Variants in GAB2 observed in about 807,000 individuals in gnomAD.
GAB2 encodes the protein GRB2 associated binding protein 2, also known as GRB2-associated-binding protein 2.
A neutral mutation model predicts 65.5 loss-of-function variants in GAB2; 26 were observed. The observed-to-expected ratio is 0.40, with a 90% CI of 0.29 to 0.55. The LOEUF (loss-of-function observed/expected upper bound fraction) is 0.55. GAB2 is among the 20% of genes least tolerant of loss of function. The pLI is 0.53. For missense variants in GAB2, 884 were observed against 875.8 expected, an observed-to-expected ratio of 1.01 and a Z score of -0.12; for synonymous variants, 321 against 329.6, an observed-to-expected ratio of 0.97 and a Z score of 0.28.
intron 2 of GAB2, among the ~76,000 whole-genome samples, chr11:78,263,064 T>C (rs1038626135): frequency 4.6e-5 from 7 of 152,246 alleles, no homozygotes; most frequent in Non-Finnish European, 1.5e-5. Context: ...TGCTGACCCT[T>C]AGACTAAAAG....
intron 2 of GAB2, among the ~76,000 whole-genome samples, chr11:78,259,530 G>A (rs573771026): frequency 6.6e-6 from 1 of 152,182 alleles, no homozygotes; most frequent in Non-Finnish European, 1.5e-5. Flanking sequence ...AAAGCTCCAG[G>A]TCACTTTTCA....
intron 1 of GAB2, among the ~76,000 whole-genome samples, chr11:78,329,308 T>C (rs1855876872): frequency 6.6e-6 from 1 of 152,208 alleles, no homozygotes; most frequent in Admixed American, 6.5e-5. Context: ...TTTATATTAA[T>C]TAAAAATCCC....
chr11:78,291,729 C>T (rs889446817), intron 1 of GAB2, among the ~76,000 whole-genome samples: 5 of 140,178 alleles, frequency 3.6e-5, no homozygotes, highest in African/African-American at 1.4e-4. Flanking sequence ...CGCCATCATA[C>T]CCAGTTAATT....
At chr11:78,291,268 C>T (rs138816808) in intron 1 of GAB2, among the ~76,000 whole-genome samples, 410 of 129,372 alleles carry the variant, frequency 3.2e-3, no homozygotes, top group African/African-American at 0.011. Flanking sequence ...CTGGCTAATA[C>T]GGTGAAACCG....
At chr11:78,380,262 C>T (rs1201609288) in intron 1 of GAB2, among the ~76,000 whole-genome samples, 1 of 151,088 alleles carries the variant, frequency 6.6e-6, no homozygotes, top group African/African-American at 2.4e-5. Flanking sequence ...GGCTGAAATG[C>T]AGTGGTGTGA....
chr11:78,346,392 C>T (rs1856179074), intron 1 of GAB2, among the ~76,000 whole-genome samples: 1 of 152,146 alleles, frequency 6.6e-6, no homozygotes, highest in South Asian at 2.1e-4. Flanking sequence ...TAAGCACACA[C>T]ATGTGCCAGA....
chr11:78,307,633 A>AGAGAGAGAGAGAGG (rs1270261078), intron 1 of GAB2, among the ~76,000 whole-genome samples: 1 of 151,046 alleles, frequency 6.6e-6, no homozygotes, highest in African/African-American at 2.4e-5. Context: ...AGAGAGAGAG[A>AGAGAGAGAGAGAGG]GATGTTGAGT....
intron 2 of GAB2, among the ~76,000 whole-genome samples, chr11:78,256,874 AACTG>A (rs1198243423): frequency 1.3e-5 from 2 of 152,184 alleles, no homozygotes; most frequent in Non-Finnish European, 2.9e-5. Context: ...CTTGCTGTGT[AACTG>A]ACCTTCCTAA....
At chr11:78,343,091 T>C (rs1005226295) in intron 1 of GAB2, among the ~76,000 whole-genome samples, 2 of 152,106 alleles carry the variant, frequency 1.3e-5, no homozygotes, top group Admixed American at 1.3e-4. Context: ...ACTAAGAATA[T>C]AAATTAGTTA....
At chr11:78,291,981 G>T (rs1866693131) in intron 1 of GAB2, among the ~76,000 whole-genome samples, 1 of 149,724 alleles carries the variant, frequency 6.7e-6, no homozygotes, top group South Asian at 2.1e-4. Context: ...CCACCTGGGA[G>T]CTTCACTAAG....
chr11:78,355,493 T>C (rs991304488), intron 1 of GAB2, among the ~76,000 whole-genome samples: 24 of 152,028 alleles, frequency 1.6e-4, no homozygotes, highest in African/African-American at 1.2e-4. Flanking sequence ...GTCATCTTTA[T>C]CAACATCCAC....
intron 1 of GAB2, among the ~76,000 whole-genome samples, chr11:78,291,294 CAAAAAAAAA>C (rs397848614): frequency 9.6e-6 from 1 of 103,894 alleles, no homozygotes; most frequent in East Asian, 2.6e-4. Flanking sequence ...ACTAAAACGA[CAAAAAAAAA>C]AAAAAAAAAA....
intron 1 of GAB2, among the ~76,000 whole-genome samples, chr11:78,392,907 T>C (rs1245790587): frequency 6.6e-6 from 1 of 152,202 alleles, no homozygotes; most frequent in Non-Finnish European, 1.5e-5. Context: ...TCTACTTTCT[T>C]GCAACACTTT....
Position 78,219,218 on chromosome 11 carries a change from G to A in GAB2, c.*54C>T, listed in dbSNP as rs1052190296. ...GAACGGGAGAGGGGAGAGGGGAGAT[G>A]GGAAGGGCCAGCTCTGGAGATGCTG... On this transcript the variant is annotated 3_prime_UTR_variant, in exon 10 of 10. Transcript: ENST00000361507. The A allele has an allele frequency of 4.5e-6, 7 of 1,560,288 alleles. No individual in the cohort carries two copies. The Admixed American group carries it at 1.0e-4, about 23-fold the overall frequency.
intron 1 of GAB2, among the ~76,000 whole-genome samples, chr11:78,345,092 C>A (rs1361174966): frequency 6.6e-6 from 1 of 152,040 alleles, no homozygotes; most frequent in Admixed American, 6.6e-5. Context: ...CCAGCCCGCG[C>A]AACATGGCAA....
chr11:78,365,791 C>G (rs1020256373), intron 1 of GAB2, among the ~76,000 whole-genome samples: 1 of 152,182 alleles, frequency 6.6e-6, no homozygotes, highest in African/African-American at 2.4e-5. Flanking sequence ...CCAAAAATAA[C>G]TTAAGAAACA....
At chr11:78,364,639 A>T (rs914198079) in intron 1 of GAB2, among the ~76,000 whole-genome samples, 2 of 152,194 alleles carry the variant, frequency 1.3e-5, no homozygotes, top group African/African-American at 4.8e-5. Flanking sequence ...CTTAATAGCC[A>T]TCCCCCCAAA....
Position 78,217,899 on chromosome 11 carries a change from T to C in GAB2, c.*1373A>G, listed in dbSNP as rs1864229176. ...CACAAGCTGTCAGCCATGCCTGATG[T>C]GGTCCTCTAGGCATCATTCTGCCCT... On this transcript the variant is annotated 3_prime_UTR_variant, in exon 10 of 10. Transcript: ENST00000361507. 6.6e-6 allele frequency: 1 copy of C among 152,450 alleles called. No homozygotes were observed. Among genetic ancestry groups the C allele is most frequent in the African/African-American group, 2.4e-5 (1 of 41,406 alleles). The allele number at this position is 152,450 out of a possible 1,614,324, so 9.4% of individuals were successfully genotyped here. A position where few individuals can be genotyped will look rare whatever the true frequency, so the allele number is the denominator to read the frequency against.
chr11:78,366,585 CAAAAAA>C (rs33997665), intron 1 of GAB2, among the ~76,000 whole-genome samples: 4 of 32,950 alleles, frequency 1.2e-4, no homozygotes, highest in African/African-American at 1.4e-4. Context: ...GACTCCATCT[CAAAAAA>C]AAAAAAAAAA....
Sources: allele counts gnomAD v4.1 joint callset (sites outside exome capture counted in the v4.1 genomes callset), GRCh38; gene constraint gnomAD v4.1.1; transcripts MANE v1.5; gene names NCBI Gene and HGNC (gene_info 2026-07-23, HGNC 2026-07-21).